MPG: variants seen among roughly 807,000 people sequenced by gnomAD.
MPG encodes DNA-3-methyladenine glycosylase.
Under a neutral mutation model 31.7 loss-of-function variants are expected in MPG, and 33 were observed. That is an observed-to-expected ratio of 1.04 (90% CI 0.79 to 1.39). The LOEUF is 1.39. MPG is among the 40% of genes most tolerant of loss of function. The pLI is 0.00. For synonymous variants in MPG, 202 were observed against 169.2 expected (o/e 1.19, Z -1.51); for missense variants, 455 against 415.5 (o/e 1.10, Z -0.83).
upstream of MPG, chr16:78,004 A>C (rs1235221259): frequency 3.0e-5 from 7 of 234,230 alleles, no homozygotes; most frequent in East Asian, 8.0e-5. Flanking sequence ...GCGCCGGGGC[A>C]CAGTGCGGGG....
At chr16:83,382 G>A (rs771540595) in intron 3 of MPG, 126 bp downstream of exon 3, 3 of 1,005,242 alleles carry the variant, frequency 3.0e-6, no homozygotes, top group Middle Eastern at 2.1e-4. Flanking sequence ...TTCCAGGCCA[G>A]GCCAGGGTTT....
chr16:82,941 C>G, intron 2 of MPG, 111 bp from the exon 3 acceptor site: 1 of 923,600 alleles, frequency 1.1e-6, no homozygotes, highest in Non-Finnish European at 1.6e-6. Context: ...CCTGGCTAGA[C>G]CTGGGCGGCT....
Position 82,121 on chromosome 16 carries a change from GCCCTCCT to G in MPG, c.301-930_301-924del, listed in dbSNP as rs1239523718. ...CTTCCCACCACCCTACCTCCGGGAA[GCCCTCCT>G]GAATGCTCCCCACGCTGGCCCCTTC... On this transcript the variant is annotated intron_variant, in intron 2 of 3. Transcript: ENST00000356432. Among the ~76,000 whole-genome samples, 806 of 86,022 alleles carry G rather than the reference GCCCTCCT, an allele frequency of 9.4e-3. 202 individuals are homozygous for G. The highest frequency in any genetic ancestry group is 0.052 in the African/African-American group (598 of 11,410). 56.4% of individuals were successfully genotyped at this position (86,022 alleles called of 152,430 possible).
chr16:83,728 G>A (rs1299174423), intron 3 of MPG, among the ~76,000 whole-genome samples: 8 of 148,166 alleles, frequency 5.4e-5, no homozygotes, highest in East Asian at 2.0e-4. Context: ...GTGACAGAGC[G>A]AGACTCCATC....
rs1898404660 is a variant in MPG at position 85,405 on chromosome 16, C to CG, written c.514dup (p.Ala172GlyfsTer56). 1.2e-6 allele frequency: 2 copies of CG among 1,602,528 alleles called. No homozygotes were observed. The highest frequency in any genetic ancestry group is 1.7e-6 in the Non-Finnish European group (2 of 1,173,966). On this transcript the variant is annotated frameshift_variant, in exon 4 of 4. Coordinates refer to ENST00000356432, the MANE Select transcript of MPG (RefSeq NM_001015052.3). LOFTEE classifies it high-confidence loss of function. ...TCCAAACTGTCCGTCCCACAGGGGA[C>CG]GGGGCTTGCGTCTTGCTGCGAGCAC...
chr16:78,085 C>T, upstream of MPG: 1 of 330,430 alleles, frequency 3.0e-6, no homozygotes, highest in East Asian at 4.8e-5. Flanking sequence ...GGGAATCGGT[C>T]CGGACCTGGC....
At chr16:82,015 G>T in intron 2 of MPG, among the ~76,000 whole-genome samples, 1 of 122,304 alleles carries the variant, frequency 8.2e-6, no homozygotes, top group African/African-American at 4.8e-5. Flanking sequence ...AAGCCCTCCT[G>T]AATGCTCCCC....
chr16:78,092 T>C (rs996636058), upstream of MPG: 33 of 329,502 alleles, frequency 1.0e-4, no homozygotes, highest in African/African-American at 5.9e-4. Context: ...GGTCCGGACC[T>C]GGCGGTGGGC....
chr16:81,376 G>GC (rs559166800), intron 2 of MPG, among the ~76,000 whole-genome samples: 201 of 152,216 alleles, frequency 1.3e-3, no homozygotes, highest in African/African-American at 4.6e-3. Context: ...TGGTAGTTGG[G>GC]CCCCCCCAGT....
chr16:79,263 G>A, intron 1 of MPG, 162 bp from the exon 2 acceptor site: 1 of 1,556,586 alleles, frequency 6.4e-7, no homozygotes, highest in Non-Finnish European at 8.7e-7. Flanking sequence ...GAGTGTGTCA[G>A]GGTGTTTGTG....
chr16:79,944 C>A (rs1898197040), intron 2 of MPG: 1 of 581,888 alleles, frequency 1.7e-6, no homozygotes, highest in Non-Finnish European at 3.0e-6. Flanking sequence ...CTGTCTGCCC[C>A]CGGCTCTGGG....
intron 2 of MPG, among the ~76,000 whole-genome samples, chr16:82,667 G>A (rs1481469181): frequency 1.3e-5 from 2 of 152,220 alleles, no homozygotes. Context: ...GTGATGCCTG[G>A]CCTCGTGCTA....
At position 79,491 on chromosome 16, in the gene MPG, G is replaced by C; in HGVS notation, c.91G>C (p.Asp31His). 3 of 1,612,708 alleles carry C rather than the reference G, an allele frequency of 1.9e-6. No homozygotes were observed. Among genetic ancestry groups the C allele is most frequent in the Non-Finnish European group, 2.5e-6 (3 of 1,179,802 alleles). The change falls in exon 2 of 4, where the codon GAC becomes CAC. Residue 31 changes from aspartate (D) to histidine (H), a missense_variant. Asp to His is a moderately conservative substitution (Grantham distance 81, BLOSUM62 -1). Coordinates refer to ENST00000356432, the MANE Select transcript of MPG (RefSeq NM_001015052.3). ...AGCAGGGCAGCCACACAGCTCGTCC[G>C]ACGCAGCCCAGGCACCTGCAGAGCA... ...ARAGQPHSSS[D>H]AAQAPAEQPH...
chr16:85,265 G>C, intron 3 of MPG, 136 bp from the exon 4 acceptor site: 1 of 1,036,452 alleles, frequency 9.6e-7, no homozygotes, highest in Non-Finnish European at 1.4e-6. Context: ...AGATGGTGCA[G>C]GTGCACAGAG....
intron 1 of MPG, among the ~76,000 whole-genome samples, 179 bp downstream of exon 1, chr16:78,512 G>C (rs79410592): frequency 6.6e-6 from 1 of 152,126 alleles, no homozygotes; most frequent in African/African-American, 2.4e-5. Context: ...AGTGGCCGCA[G>C]CGCCCGGGGG....
Position 85,658 on chromosome 16 carries a change from G to GC in MPG, c.766dup (p.Arg256ProfsTer33), listed in dbSNP as rs1168126591. The GC allele has an allele frequency of 6.3e-7, 1 of 1,584,916 alleles. No homozygotes were observed. The highest frequency in any genetic ancestry group is 1.7e-5 in the Admixed American group (1 of 57,394). On this transcript the variant is annotated frameshift_variant, in exon 4 of 4. Transcript: ENST00000356432. LOFTEE classifies it high-confidence loss of function. ...CAGTGAGCCGGCTGTAGTGGCAGCA[G>GC]CCCGGGTGGGCGTCGGCCATGCAGG...
At chr16:79,837 C>G in intron 2 of MPG, 137 bp downstream of exon 2, 1 of 951,102 alleles carries the variant, frequency 1.1e-6, no homozygotes, top group Non-Finnish European at 1.6e-6. Context: ...TTTGCTCACA[C>G]TGGTCCCTGC....
chr16:80,182 A>G (rs1429210756), intron 2 of MPG, among the ~76,000 whole-genome samples: 2 of 152,220 alleles, frequency 1.3e-5, no homozygotes, highest in African/African-American at 4.8e-5. Flanking sequence ...CCCAGGTCCC[A>G]TCCTGGTGGG....
At chr16:78,190 T>C (rs1898141181), upstream of MPG, 4 of 950,628 alleles carry the variant, frequency 4.2e-6, 1 homozygote, top group South Asian at 8.1e-5. Context: ...TTCTCCCGGC[T>C]TCCGTCCCCT....
Sources: gnomAD v4.1 joint callset for allele counts (sites outside exome capture counted in the v4.1 genomes callset) on GRCh38, gnomAD v4.1.1 for gene constraint, MANE v1.5 for transcripts, NCBI Gene and HGNC (gene_info 2026-07-23, HGNC 2026-07-21) for gene names.